The following CENPQ variants were observed in gnomAD, a reference collection of about 807,000 sequenced individuals.
CENPQ encodes the protein centromere protein Q.
In CENPQ, 27 loss-of-function variants were observed where a neutral mutation model predicts 36.6. That is an observed-to-expected ratio of 0.74 (90% CI 0.54 to 1.02). CENPQ has a LOEUF of 1.02. Among genes scored for constraint, CENPQ ranks in the 50% least tolerant of loss-of-function variants. The pLI, the probability that CENPQ is intolerant of heterozygous loss-of-function variation, is 0.00. For synonymous variants in CENPQ, 101 were observed against 101.7 expected (o/e 0.99, Z 0.04); for missense variants, 306 against 301.8 (o/e 1.01, Z -0.10).
At chr6:49,472,307 G>GA in intron 4 of CENPQ, 124 bp downstream of exon 4, 4 of 796,458 alleles carry the variant, frequency 5.0e-6, no homozygotes, top group Non-Finnish European at 7.0e-6. Flanking sequence ...TTCGGAAGCA[G>GA]ATAAAATTAA....
At chr6:49,466,175 A>G (rs1313403626) in intron 1 of CENPQ, among the ~76,000 whole-genome samples, 1 of 152,198 alleles carries the variant, frequency 6.6e-6, no homozygotes, top group Non-Finnish European at 1.5e-5. Context: ...AACACAACGC[A>G]ACATTTACCT....
chr6:49,475,266 T>G (rs558053663), intron 5 of CENPQ, among the ~76,000 whole-genome samples: 15 of 152,114 alleles, frequency 9.9e-5, no homozygotes, highest in East Asian at 3.9e-4. Context: ...GGGATGCAAG[T>G]CTGGTTCAAC....
chr6:49,480,630 A>C (rs1768403693), intron 5 of CENPQ, among the ~76,000 whole-genome samples: 1 of 152,234 alleles, frequency 6.6e-6, no homozygotes, highest in Non-Finnish European at 1.5e-5. Context: ...GTAGTGTAAT[A>C]GTCTAGAAAA....
At chr6:49,472,254 T>G (rs1306372912) in intron 4 of CENPQ, 71 bp downstream of exon 4, 1 of 1,191,142 alleles carries the variant, frequency 8.4e-7, no homozygotes, top group Non-Finnish European at 1.1e-6. Flanking sequence ...ATTATTCTTT[T>G]AAATATTGCT....
At chr6:49,475,239 A>C (rs2127424992) in intron 5 of CENPQ, among the ~76,000 whole-genome samples, 1 of 152,326 alleles carries the variant, frequency 6.6e-6, no homozygotes, top group East Asian at 1.9e-4. Flanking sequence ...CACCATGATC[A>C]AGTGGGCTTC....
rs1768756655 is a variant in CENPQ, at chr6:49,492,823, A to G, written c.*548A>G. On this transcript the variant is annotated 3_prime_UTR_variant, in exon 9 of 9. Transcript: ENST00000335783. Reference sequence around the variant, plus strand: ...ATCTTTAACTTTGGAGGTAGTATCAAAATTTTACTTCTTTGGTTGTTTAGT... The same window carrying G: ...ATCTTTAACTTTGGAGGTAGTATCAGAATTTTACTTCTTTGGTTGTTTAGT... 6.6e-6 allele frequency: 1 copy of G among 152,548 alleles called. No individual in the cohort carries two copies. Among genetic ancestry groups the G allele is most frequent in the South Asian group, 2.1e-4 (1 of 4,822 alleles). The allele number at this position is 152,548 out of a possible 1,614,324, so 9.4% of individuals were successfully genotyped here.
At chr6:49,485,256 T>C (rs1768547496) in intron 6 of CENPQ, among the ~76,000 whole-genome samples, 1 of 152,208 alleles carries the variant, frequency 6.6e-6, no homozygotes, top group African/African-American at 2.4e-5. Context: ...CCTGTAATAG[T>C]AACAGAAATT....
intron 6 of CENPQ, among the ~76,000 whole-genome samples, chr6:49,485,495 G>A (rs367863885): frequency 4.3e-4 from 65 of 152,056 alleles, no homozygotes; most frequent in East Asian, 2.5e-3. Flanking sequence ...CTGATACACC[G>A]AAAGCATACC....
chr6:49,473,589 A>T (rs1397479068), intron 5 of CENPQ, among the ~76,000 whole-genome samples: 1 of 152,236 alleles, frequency 6.6e-6, no homozygotes, highest in Non-Finnish European at 1.5e-5. Context: ...AAGACCATCG[A>T]TGCTAGGAAG....
At chr6:49,491,987 G>A (rs1473212113) in intron 8 of CENPQ, among the ~76,000 whole-genome samples, 157 bp from the exon 9 acceptor site, 2 of 152,114 alleles carry the variant, frequency 1.3e-5, no homozygotes, top group African/African-American at 4.8e-5. Context: ...ATGGGGAGAG[G>A]GAGAGATAGA....
intron 6 of CENPQ, 94 bp from the exon 7 acceptor site, chr6:49,488,258 G>GT (rs1433905783): frequency 1.0e-6 from 1 of 959,560 alleles, no homozygotes; most frequent in Non-Finnish European, 1.5e-6. Context: ...TATATATGGT[G>GT]TTTTTTTAAA....
At chr6:49,463,864 G>A (rs1448758673) in intron 1 of CENPQ, among the ~76,000 whole-genome samples, 2 of 152,202 alleles carry the variant, frequency 1.3e-5, no homozygotes, top group South Asian at 2.1e-4. Context: ...AGAAAAACAA[G>A]ACAACCTAGA....
intron 5 of CENPQ, among the ~76,000 whole-genome samples, chr6:49,477,888 G>A (rs924721006): frequency 2.0e-5 from 3 of 152,200 alleles, no homozygotes; most frequent in Non-Finnish European, 4.4e-5. Context: ...AAATGTAGCT[G>A]TTTAGGATCT....
chr6:49,470,463 C>A (rs1481722384), intron 2 of CENPQ, among the ~76,000 whole-genome samples, 185 bp downstream of exon 2: 4 of 149,508 alleles, frequency 2.7e-5, no homozygotes, highest in Non-Finnish European at 4.5e-5. Flanking sequence ...AAAAAAAATA[C>A]AAAAAATTAG....
chr6:49,492,525 C>A lies in CENPQ; in HGVS notation c.*250C>A. ...TGTATCTATAAGTATTTGCCTAAAACCATAAAATAGGAATTGCCTTAAGGA... is the reference window on the plus strand; with the variant it reads ...TGTATCTATAAGTATTTGCCTAAAAACATAAAATAGGAATTGCCTTAAGGA... On this transcript the variant is annotated 3_prime_UTR_variant, in exon 9 of 9. Transcript: ENST00000335783. 3 of 313,640 alleles carry A rather than the reference C, an allele frequency of 9.6e-6. No individual in the cohort carries two copies. The highest frequency in any genetic ancestry group is 1.1e-5 in the Non-Finnish European group (2 of 175,020). The allele number at this position is 313,640 out of a possible 1,614,324, so 19.4% of individuals were successfully genotyped here.
chr6:49,474,926 T>A lies in CENPQ; in HGVS notation c.347+2068T>A, dbSNP rs746802748. ...AATCTAGAAGAAATGGATAAATTCC[T>A]GGACACATACACCTCCCAAGACTAA... On this transcript the variant is annotated intron_variant, in intron 5 of 8. Transcript: ENST00000335783. Among the ~76,000 whole-genome samples, 21 of 152,294 alleles carry A rather than the reference T, an allele frequency of 1.4e-4. No homozygotes were observed. In the South Asian group the frequency reaches 3.5e-3, roughly 26 times the overall value.
intron 5 of CENPQ, among the ~76,000 whole-genome samples, chr6:49,476,290 C>A (rs1768289456): frequency 6.6e-6 from 1 of 152,144 alleles, no homozygotes; most frequent in South Asian, 2.1e-4. Context: ...ACCATCTGAT[C>A]TTTGACAAAC....
chr6:49,485,362 A>G (rs1248172988), intron 6 of CENPQ, among the ~76,000 whole-genome samples: 2 of 152,220 alleles, frequency 1.3e-5, no homozygotes, highest in African/African-American at 2.4e-5. Context: ...GGAGGATGGC[A>G]TTAGAACAGC....
chr6:49,475,090 T>C (rs1039715213), intron 5 of CENPQ, among the ~76,000 whole-genome samples: 6 of 152,176 alleles, frequency 3.9e-5, no homozygotes, highest in African/African-American at 4.8e-5. Flanking sequence ...AAGGAGGAGC[T>C]GGAACCATTC....
Sources: gnomAD v4.1 joint callset for allele counts (sites outside exome capture counted in the v4.1 genomes callset) on GRCh38, gnomAD v4.1.1 for gene constraint, MANE v1.5 for transcripts, NCBI Gene and HGNC (gene_info 2026-07-23, HGNC 2026-07-21) for gene names.